Variants in PTPRM observed in about 807,000 individuals in gnomAD.
PTPRM encodes protein tyrosine phosphatase receptor type M, also known as receptor-type tyrosine-protein phosphatase mu.
A neutral mutation model predicts 186.7 loss-of-function variants in PTPRM; 47 were observed. The observed-to-expected ratio is 0.25, with a 90% confidence interval of 0.20 to 0.32. PTPRM has a LOEUF of 0.32. Ranked by LOEUF, PTPRM falls within the 10% of genes least tolerant of loss-of-function variation. The pLI is 1.00. For synonymous variants in PTPRM, 668 were observed against 674.9 expected (o/e 0.99, Z 0.16); for missense variants, 1,494 against 1,865.0 (o/e 0.80, Z 3.66).
chr18:8,045,946 G>T (rs1032186711), intron 7 of PTPRM, among the ~76,000 whole-genome samples: 35 of 152,106 alleles, frequency 2.3e-4, no homozygotes, highest in African/African-American at 8.5e-4. Context: ...TAATTGATGT[G>T]GTTTGGCCGT....
intron 7 of PTPRM, among the ~76,000 whole-genome samples, chr18:8,039,956 A>T (rs2086588529): frequency 6.6e-6 from 1 of 152,200 alleles, no homozygotes; most frequent in African/African-American, 2.4e-5. Context: ...AAGAAAACAA[A>T]AACCTTTTCA....
At position 8,310,302 on chromosome 18, in the gene PTPRM, G is replaced by T. The variant is rs182022636; in HGVS notation, c.2843-4479G>T. Among the ~76,000 whole-genome samples the T allele has an allele frequency of 1.0e-3, 157 of 151,484 alleles. 1 individual carries two copies. Among genetic ancestry groups the T allele is most frequent in the African/African-American group, 3.7e-3 (153 of 41,236 alleles). ...CCCACTCCCACAGCCCTTCCAGTTCGTCCTCAACAATAGCGGGCATCTGAT... is the reference window on the plus strand; with the variant it reads ...CCCACTCCCACAGCCCTTCCAGTTCTTCCTCAACAATAGCGGGCATCTGAT... On this transcript the variant is annotated intron_variant, in intron 20 of 32. Transcript: ENST00000580170.
chr18:7,722,309 G>A (rs1423984238), intron 1 of PTPRM, among the ~76,000 whole-genome samples: 1 of 152,102 alleles, frequency 6.6e-6, no homozygotes, highest in Non-Finnish European at 1.5e-5. Flanking sequence ...AGGTTCCTCT[G>A]TGTTTTTTGG....
At chr18:8,010,975 AC>A (rs2067616107) in intron 7 of PTPRM, among the ~76,000 whole-genome samples, 1 of 152,210 alleles carries the variant, frequency 6.6e-6, no homozygotes, top group Non-Finnish European at 1.5e-5. Context: ...GTGGTGTAAA[AC>A]AAAAATAAAG....
intron 11 of PTPRM, among the ~76,000 whole-genome samples, chr18:8,104,396 AT>A (rs2091427829): frequency 6.6e-6 from 1 of 151,848 alleles, no homozygotes; most frequent in African/African-American, 2.4e-5. Context: ...ATTCTTCATT[AT>A]TTCCTTGTTA....
At chr18:8,195,790 G>A (rs1012746676) in intron 14 of PTPRM, among the ~76,000 whole-genome samples, 8 of 152,192 alleles carry the variant, frequency 5.3e-5, no homozygotes, top group Middle Eastern at 3.4e-3. Context: ...TGGGTACAGT[G>A]TACACTGTTC....
Position 7,716,976 on chromosome 18 carries a change from C to T in PTPRM, c.74-57173C>T, listed in dbSNP as rs181354567. On this transcript the variant is annotated intron_variant, in intron 1 of 32. Coordinates refer to ENST00000580170, the MANE Select transcript of PTPRM (RefSeq NM_001105244.2). ...AGCAATCCCATCACTGGGTATATAC[C>T]CAAAGGATTATAAATCATTCTACTA... 4.5e-4 allele frequency among the ~76,000 whole-genome samples: 69 copies of T among 152,222 alleles called. 1 individual carries two copies. Among genetic ancestry groups the T allele is most frequent in the African/African-American group, 1.6e-3 (66 of 41,528 alleles).
chr18:7,703,186 T>G (rs1165961390), intron 1 of PTPRM, among the ~76,000 whole-genome samples: 2 of 152,188 alleles, frequency 1.3e-5, no homozygotes, highest in African/African-American at 4.8e-5. Context: ...TTTGAAGTAT[T>G]TTTTTTCTAA....
Position 8,230,451 on chromosome 18 carries a change from A to G in PTPRM, c.2301-13607A>G, listed in dbSNP as rs1429185548. Among the ~76,000 whole-genome samples the G allele has an allele frequency of 2.6e-5, 4 of 152,370 alleles. No individual in the cohort carries two copies. In the South Asian group the frequency reaches 6.2e-4, roughly 24 times the overall value. Reference sequence around the variant, plus strand: ...AACCATAAGTGTAGCTAGTGATGCCAATAGATTCCAGATTCCCAGGATCAT... The same window carrying G: ...AACCATAAGTGTAGCTAGTGATGCCGATAGATTCCAGATTCCCAGGATCAT... On this transcript the variant is annotated intron_variant, in intron 14 of 32. Coordinates refer to ENST00000580170, the MANE Select transcript of PTPRM (RefSeq NM_001105244.2).
chr18:7,635,917 A>T lies in PTPRM; in HGVS notation c.73+68026A>T, dbSNP rs1333342747. Among the ~76,000 whole-genome samples, 3 of 152,220 alleles carry T rather than the reference A, an allele frequency of 2.0e-5. No individual in the cohort carries two copies. The East Asian group carries it at 5.8e-4, about 29-fold the overall frequency. ...AGAATGCCCACTTCCACTACATTTGATAGAGTTACCCATTGGGTTAAGATT... is the reference window on the plus strand; with the variant it reads ...AGAATGCCCACTTCCACTACATTTGTTAGAGTTACCCATTGGGTTAAGATT... On this transcript the variant is annotated intron_variant, in intron 1 of 32. Coordinates refer to ENST00000580170, the MANE Select transcript of PTPRM (RefSeq NM_001105244.2).
At chr18:7,703,641 C>A (rs1019765438) in intron 1 of PTPRM, among the ~76,000 whole-genome samples, 1 of 152,154 alleles carries the variant, frequency 6.6e-6, no homozygotes, top group Non-Finnish European at 1.5e-5. Context: ...GACTTCCTCT[C>A]TTCCTATTTG....
intron 14 of PTPRM, among the ~76,000 whole-genome samples, chr18:8,185,639 C>T (rs917763522): frequency 1.3e-5 from 2 of 152,178 alleles, no homozygotes; most frequent in African/African-American, 2.4e-5. Context: ...ATCTCTATGA[C>T]CCGTCTTTGT....
intron 14 of PTPRM, among the ~76,000 whole-genome samples, chr18:8,203,082 A>G (rs960348866): frequency 6.6e-6 from 1 of 152,234 alleles, no homozygotes; most frequent in Non-Finnish European, 1.5e-5. Flanking sequence ...ATATTTGTGC[A>G]ATTACTGAGT....
intron 14 of PTPRM, among the ~76,000 whole-genome samples, chr18:8,213,481 T>A (rs1431552887): frequency 1.3e-5 from 2 of 152,194 alleles, no homozygotes; most frequent in Admixed American, 1.3e-4. Context: ...ATGCTATAAA[T>A]TCAGGCCCAG....
chr18:8,052,400 G>T (rs541897322), intron 7 of PTPRM, among the ~76,000 whole-genome samples: 1 of 152,064 alleles, frequency 6.6e-6, no homozygotes, highest in Non-Finnish European at 1.5e-5. Context: ...TCACTGTACC[G>T]TTTCTATGTT....
chr18:7,652,302 G>A (rs1019044965), intron 1 of PTPRM, among the ~76,000 whole-genome samples: 15 of 152,254 alleles, frequency 9.9e-5, no homozygotes, highest in African/African-American at 3.6e-4. Context: ...TACACTGTTG[G>A]TGGGACTGTA....
intron 2 of PTPRM, among the ~76,000 whole-genome samples, chr18:7,781,837 C>A (rs1436822392): frequency 2.0e-5 from 3 of 152,174 alleles, no homozygotes; most frequent in East Asian, 3.9e-4. Flanking sequence ...TAATTCCAGT[C>A]ACTGAACCCA....
rs557766971 is a variant in PTPRM, at chr18:8,372,056, C to CTTTTTTTTT, written c.3171+1068_3171+1076dup. Reference sequence around the variant, plus strand: ...TTGGCCTTCCTCTCCACTCTATATTCTTTTTTTTTTTTTTTTTTTTTTTTT... The same window carrying CTTTTTTTTT: ...TTGGCCTTCCTCTCCACTCTATATTCTTTTTTTTTTTTTTTTTTTTTTTTTTTTTTTTTT... On this transcript the variant is annotated intron_variant, in intron 24 of 32. Transcript: ENST00000580170. Among the ~76,000 whole-genome samples, 10 of 59,066 alleles carry CTTTTTTTTT rather than the reference C, an allele frequency of 1.7e-4. 1 individual carries two copies. The highest frequency in any genetic ancestry group is 2.7e-4 in the Non-Finnish European group (7 of 26,308). The allele number at this position is 59,066 out of a possible 152,430, so 38.7% of individuals were successfully genotyped here. A position where few individuals can be genotyped will look rare whatever the true frequency, so the allele number is the denominator to read the frequency against.
intron 2 of PTPRM, among the ~76,000 whole-genome samples, chr18:7,843,385 G>C (rs762038583): frequency 1.4e-4 from 21 of 152,118 alleles, no homozygotes; most frequent in Non-Finnish European, 1.5e-4. Flanking sequence ...TATTACAGGG[G>C]ACCACAGGCA....
Sources: gnomAD v4.1 joint callset for allele counts (sites outside exome capture counted in the v4.1 genomes callset) on GRCh38, gnomAD v4.1.1 for gene constraint, MANE v1.5 for transcripts, NCBI Gene and HGNC (gene_info 2026-07-23, HGNC 2026-07-21) for gene names.